Variants in PARD3 observed in about 807,000 individuals in gnomAD.
PARD3 encodes the protein partitioning defective 3 homolog.
PARD3 carries 75 observed loss-of-function variants against 155.4 expected under a neutral mutation model. The ratio of observed to expected loss-of-function variants is 0.48; its 90% CI spans 0.40 to 0.58. The LOEUF is 0.58. Ranked by LOEUF, PARD3 falls within the 20% of genes least tolerant of loss-of-function variation. PARD3 has a pLI of 0.00. For missense variants in PARD3, 1,642 were observed against 1,721.7 expected (o/e 0.95, Z 0.82); for synonymous variants, 576 against 610.5 (o/e 0.94, Z 0.83).
At chr10:34,595,039 A>G (rs2089121556) in intron 2 of PARD3, among the ~76,000 whole-genome samples, 1 of 152,226 alleles carries the variant, frequency 6.6e-6, no homozygotes, top group South Asian at 2.1e-4. Flanking sequence ...AAGGACTGTT[A>G]TAATGATTAG....
intron 4 of PARD3, among the ~76,000 whole-genome samples, chr10:34,467,907 G>A (rs1038250427): frequency 1.3e-5 from 2 of 152,116 alleles, no homozygotes; most frequent in African/African-American, 4.8e-5. Flanking sequence ...TGCAGAGAAG[G>A]GTCTAGATAC....
intron 3 of PARD3, among the ~76,000 whole-genome samples, chr10:34,512,324 C>A (rs548412317): frequency 2.4e-4 from 37 of 152,316 alleles, no homozygotes; most frequent in African/African-American, 7.9e-4. Flanking sequence ...TCCTTGCTTG[C>A]TGGCTTCTTT....
chr10:34,348,191 A>T (rs1307696542), intron 14 of PARD3, 76 bp from the exon 15 acceptor site: 22 of 1,332,624 alleles, frequency 1.7e-5, no homozygotes, highest in Non-Finnish European at 1.8e-5. Flanking sequence ...GAATTATAAC[A>T]ACTTGCCCGA....
At chr10:34,524,000 C>T (rs537011964) in intron 2 of PARD3, among the ~76,000 whole-genome samples, 33 of 152,114 alleles carry the variant, frequency 2.2e-4, no homozygotes, top group Non-Finnish European at 2.9e-5. Context: ...TCCCCTTTTT[C>T]TATCTCTTAT....
At chr10:34,472,905 T>G (rs1375208467) in intron 3 of PARD3, among the ~76,000 whole-genome samples, 1 of 152,200 alleles carries the variant, frequency 6.6e-6, no homozygotes. Context: ...GACCATCTTC[T>G]TAAGATTAGA....
intron 22 of PARD3, among the ~76,000 whole-genome samples, chr10:34,260,839 CAT>C (rs1375604454): frequency 3.9e-5 from 6 of 152,166 alleles, no homozygotes; most frequent in African/African-American, 7.2e-5. Context: ...TAAAAGAGCA[CAT>C]GTTTAATAAG....
intron 22 of PARD3, among the ~76,000 whole-genome samples, chr10:34,192,185 A>G (rs1299730475): frequency 3.3e-5 from 5 of 151,564 alleles, no homozygotes; most frequent in African/African-American, 9.7e-5. Context: ...CTCCCACCTT[A>G]GCCTCCTGAG....
intron 22 of PARD3, among the ~76,000 whole-genome samples, chr10:34,162,651 G>A (rs1407747786): frequency 6.6e-6 from 1 of 152,204 alleles, no homozygotes; most frequent in Non-Finnish European, 1.5e-5. Context: ...ATTGTGTTAT[G>A]TGCTGGGAAA....
chr10:34,733,577 G>A (rs934847309), intron 1 of PARD3, among the ~76,000 whole-genome samples: 6 of 152,108 alleles, frequency 3.9e-5, no homozygotes, highest in Admixed American at 2.0e-4. Context: ...TCCTCCTCCC[G>A]GGCTCAAGCA....
rs952421549 is a variant in PARD3, at chr10:34,427,935, T to A, written c.714+22382A>T. On this transcript the variant is annotated intron_variant, in intron 5 of 24. Coordinates refer to ENST00000374788, the MANE Select transcript of PARD3 (RefSeq NM_001184785.2). ...AAGACACAAACACACCATATCACCA[T>A]GTAGAGGAATGGGGGAGCTGGACAG... 2.6e-5 allele frequency among the ~76,000 whole-genome samples: 4 copies of A among 152,090 alleles called. No individual in the cohort carries two copies. The East Asian group carries it at 7.8e-4, about 29-fold the overall frequency.
intron 23 of PARD3, among the ~76,000 whole-genome samples, chr10:34,122,707 A>G (rs1947072246): frequency 6.6e-6 from 1 of 152,246 alleles, no homozygotes; most frequent in Non-Finnish European, 1.5e-5. Flanking sequence ...ACCAGCCCAG[A>G]GCAACAACTA....
intron 15 of PARD3, chr10:34,345,120 G>T: frequency 1.0e-6 from 1 of 984,662 alleles, no homozygotes; most frequent in Non-Finnish European, 1.2e-6. Context: ...CCCCAGAGAG[G>T]GCTATTTTTA....
intron 1 of PARD3, among the ~76,000 whole-genome samples, chr10:34,797,556 G>A (rs1842408490): frequency 6.6e-6 from 1 of 152,208 alleles, no homozygotes; most frequent in Admixed American, 6.5e-5. Context: ...AAATGGATGT[G>A]TATCCATAAA....
intron 22 of PARD3, among the ~76,000 whole-genome samples, chr10:34,193,897 C>T (rs892487625): frequency 6.6e-6 from 1 of 152,198 alleles, no homozygotes; most frequent in Admixed American, 6.5e-5. Context: ...ACTAACATCA[C>T]AAACTACGGG....
intron 5 of PARD3, among the ~76,000 whole-genome samples, chr10:34,441,079 G>A (rs908344899): frequency 2.0e-5 from 3 of 152,066 alleles, no homozygotes; most frequent in African/African-American, 7.2e-5. Flanking sequence ...TGCCACGGAA[G>A]CAAAAATCAA....
At chr10:34,297,468 C>CG (rs1956960729) in intron 20 of PARD3, among the ~76,000 whole-genome samples, 1 of 152,182 alleles carries the variant, frequency 6.6e-6, no homozygotes, top group Non-Finnish European at 1.5e-5. Context: ...ACGTAGCACA[C>CG]TGCTGGCAGA....
At chr10:34,277,469 T>C (rs1304487463) in intron 21 of PARD3, among the ~76,000 whole-genome samples, 3 of 152,180 alleles carry the variant, frequency 2.0e-5, no homozygotes, top group Non-Finnish European at 4.4e-5. Context: ...CTTACCCTGG[T>C]AACAGTTCCA....
chr10:34,605,205 T>C (rs2090138126), intron 2 of PARD3, among the ~76,000 whole-genome samples: 1 of 135,692 alleles, frequency 7.4e-6, no homozygotes, highest in South Asian at 2.5e-4. Flanking sequence ...TTTTTTTTTT[T>C]TTTTTGAGAC....
intron 6 of PARD3, among the ~76,000 whole-genome samples, chr10:34,400,104 C>T (rs908499299): frequency 2.6e-5 from 4 of 152,176 alleles, no homozygotes; most frequent in Admixed American, 1.3e-4. Context: ...AGCCAACAGG[C>T]ATCTACTGCA....
Sources: allele counts gnomAD v4.1 joint callset (sites outside exome capture counted in the v4.1 genomes callset), GRCh38; gene constraint gnomAD v4.1.1; transcripts MANE v1.5; gene names NCBI Gene and HGNC (gene_info 2026-07-23, HGNC 2026-07-21).